The following HPCAL1 variants were observed in gnomAD, a reference collection of about 807,000 sequenced individuals.
HPCAL1 encodes hippocalcin-like protein 1.
A neutral mutation model predicts 17.1 loss-of-function variants in HPCAL1; 8 were observed. The observed-to-expected ratio is 0.47, with a 90% confidence interval of 0.27 to 0.84. HPCAL1 has a LOEUF of 0.84. Among genes scored for constraint, HPCAL1 ranks in the 40% least tolerant of loss-of-function variants. HPCAL1 has a pLI of 0.13. For missense variants in HPCAL1, 165 were observed against 271.1 expected (o/e 0.61, Z 2.75); for synonymous variants, 112 against 111.4 (o/e 1.01, Z -0.03).
In HPCAL1 at chr2:10,315,077, G is replaced by A. The variant is rs549269867; in HGVS notation, c.-111+11900G>A. 2.6e-5 allele frequency among the ~76,000 whole-genome samples: 4 copies of A among 152,244 alleles called. No individual in the cohort carries two copies. In the South Asian group the frequency reaches 6.2e-4, roughly 24 times the overall value. ...GAGGCCGAGGCGGGCGGATCATGAAGTCAGGAGATCGAGACCATCCTGGCC... is the reference window on the plus strand; with the variant it reads ...GAGGCCGAGGCGGGCGGATCATGAAATCAGGAGATCGAGACCATCCTGGCC... On this transcript the variant is annotated intron_variant, in intron 1 of 4. Transcript: ENST00000307845.
intron 2 of HPCAL1, among the ~76,000 whole-genome samples, chr2:10,408,893 A>G (rs1475145311): frequency 6.6e-6 from 1 of 152,210 alleles, no homozygotes; most frequent in African/African-American, 2.4e-5. Flanking sequence ...ACTTCTACCC[A>G]GCACTGCCCA....
chr2:10,379,275 A>G (rs1461692002), intron 1 of HPCAL1, among the ~76,000 whole-genome samples: 2 of 151,778 alleles, frequency 1.3e-5, no homozygotes, highest in African/African-American at 4.8e-5. Flanking sequence ...TTCTGCTTGT[A>G]AATGTCCCTC....
rs1241642570 is a variant in HPCAL1, at chr2:10,304,978, AG to A, written c.-111+1802del. Among the ~76,000 whole-genome samples the A allele has an allele frequency of 4.6e-5, 7 of 152,038 alleles. No homozygotes were observed. The highest frequency in any genetic ancestry group is 1.7e-4 in the African/African-American group (7 of 41,394). On this transcript the variant is annotated intron_variant, in intron 1 of 4. Transcript: ENST00000307845. The surrounding 1 kb of genome is among the most constrained non-coding windows in gnomAD (Gnocchi z 4.1). The stretch of plus-strand genomic sequence containing the variant: ...GCGGGCTGCTTTGCGGGCTTTTAGG[AG>A]CCAGGGATAGAAACCTGGTCCGGTT...
intron 1 of HPCAL1, among the ~76,000 whole-genome samples, chr2:10,385,098 A>C (rs1263921843): frequency 9.5e-5 from 3 of 31,662 alleles, no homozygotes; most frequent in Non-Finnish European, 1.5e-4. Flanking sequence ...ACTCCGTCTC[A>C]AAAAAAAAAA....
At chr2:10,305,979 C>T (rs1662597799) in intron 1 of HPCAL1, among the ~76,000 whole-genome samples, 1 of 152,232 alleles carries the variant, frequency 6.6e-6, no homozygotes, top group African/African-American at 2.4e-5. Flanking sequence ...AGCGCGGGTA[C>T]AGTGCATGCC....
At chr2:10,382,255 A>G (rs949977274) in intron 1 of HPCAL1, among the ~76,000 whole-genome samples, 1 of 152,192 alleles carries the variant, frequency 6.6e-6, no homozygotes, top group Non-Finnish European at 1.5e-5. Context: ...GATAATAAAC[A>G]GATCAGTGGT....
chr2:10,375,133 C>T (rs1423262808), intron 1 of HPCAL1, among the ~76,000 whole-genome samples: 1 of 152,198 alleles, frequency 6.6e-6, no homozygotes, highest in African/African-American at 2.4e-5. Flanking sequence ...AAAGCATTTC[C>T]ACCCACAGTC....
chr2:10,307,181 A>G (rs992653383), intron 1 of HPCAL1, among the ~76,000 whole-genome samples: 2 of 152,168 alleles, frequency 1.3e-5, no homozygotes, highest in Non-Finnish European at 2.9e-5. Context: ...AAAACTCAGG[A>G]TTGTTAAATA....
At chr2:10,306,343 G>A (rs1208057337) in intron 1 of HPCAL1, among the ~76,000 whole-genome samples, 2 of 152,028 alleles carry the variant, frequency 1.3e-5, no homozygotes, top group East Asian at 3.9e-4. Flanking sequence ...TGGGGGGTGG[G>A]GGAGGCATGT....
Position 10,395,696 on chromosome 2 carries a change from G to A in HPCAL1, c.-110-1139G>A, listed in dbSNP as rs16856193. 0.37 allele frequency among the ~76,000 whole-genome samples: 56,098 copies of A among 151,988 alleles called. 10,773 individuals are homozygous for A. The highest frequency in any genetic ancestry group is 0.5 in the South Asian group (2,405 of 4,816). On this transcript the variant is annotated intron_variant, in intron 1 of 4. Coordinates refer to ENST00000307845, the MANE Select transcript of HPCAL1 (RefSeq NM_002149.4). This position sits in a 1 kb window ranked among gnomAD's most constrained non-coding sequence, Gnocchi z 4.4. The stretch of plus-strand genomic sequence containing the variant: ...GGTAGATGCGGAAGAGAAACGGGCC[G>A]TCAGGTGAAGTGACTGTCAGGATTC...
chr2:10,325,777 C>A (rs924498552), intron 1 of HPCAL1, among the ~76,000 whole-genome samples: 3 of 152,220 alleles, frequency 2.0e-5, no homozygotes, highest in Non-Finnish European at 4.4e-5. Flanking sequence ...AGCCCGGGAG[C>A]ACCTGCTGCA....
At chr2:10,334,322 G>GT (rs113817096) in intron 1 of HPCAL1, among the ~76,000 whole-genome samples, 26,285 of 149,990 alleles carry the variant, frequency 0.18, 2,506 homozygotes, top group Non-Finnish European at 0.22. Context: ...GTTTTGTTTT[G>GT]TTTTGTTTTT....
At position 10,336,045 on chromosome 2, in the gene HPCAL1, C is replaced by G. The variant is rs368566822; in HGVS notation, c.-111+32868C>G. Among the ~76,000 whole-genome samples the G allele has an allele frequency of 6.6e-3, 922 of 140,538 alleles. 2 individuals carry two copies. The highest frequency in any genetic ancestry group is 0.012 in the African/African-American group (405 of 34,990). The allele number at this position is 140,538 out of a possible 152,430, so 92.2% of individuals were successfully genotyped here. ...ATTAATTGCATGTTCATATCCTCTG[C>G]TGTAAATTAATTGCATGTGCGTATC... On this transcript the variant is annotated intron_variant, in intron 1 of 4. Transcript: ENST00000307845.
rs1667661267 is a variant in HPCAL1, at chr2:10,377,657, T to C, written c.-110-19178T>C. Among the ~76,000 whole-genome samples, 1 of 151,396 alleles carries C rather than the reference T, an allele frequency of 6.6e-6. No individual in the cohort carries two copies. Among genetic ancestry groups the C allele is most frequent in the Non-Finnish European group, 1.5e-5 (1 of 67,846 alleles). On this transcript the variant is annotated intron_variant, in intron 1 of 4. Coordinates refer to ENST00000307845, the MANE Select transcript of HPCAL1 (RefSeq NM_002149.4). The surrounding 1 kb of genome is among the most constrained non-coding windows in gnomAD (Gnocchi z 5.9). ...CCCACCTCCCCACACTGGCACCTCC[T>C]GAGCAGCCCTGGCTGAGCATGCACT...
chr2:10,419,429 C>A lies in HPCAL1; in HGVS notation c.-24-305C>A, dbSNP rs1396881578. On this transcript the variant is annotated intron_variant, in intron 2 of 4. Transcript: ENST00000307845. This position sits in a 1 kb window ranked among gnomAD's most constrained non-coding sequence, Gnocchi z 5.0. ...ATTTTAATCTTCGCCTCTCGTACAA[C>A]CCCTGGTGGGCACCGGATGATGCCC... Among the ~76,000 whole-genome samples, 1 of 152,142 alleles carries A rather than the reference C, an allele frequency of 6.6e-6. No individual in the cohort carries two copies. Among genetic ancestry groups the A allele is most frequent in the Non-Finnish European group, 1.5e-5 (1 of 68,030 alleles).
intron 4 of HPCAL1, chr2:10,426,518 T>C: frequency 3.6e-6 from 2 of 557,924 alleles, no homozygotes; most frequent in African/African-American, 1.9e-5. Context: ...AGGTACCTGA[T>C]GTATTGCAGG....
chr2:10,307,789 T>C (rs533156735), intron 1 of HPCAL1, among the ~76,000 whole-genome samples: 2 of 152,348 alleles, frequency 1.3e-5, no homozygotes, highest in South Asian at 4.1e-4. Context: ...TTATCTGCCC[T>C]TGGCCCAGAG....
intron 1 of HPCAL1, among the ~76,000 whole-genome samples, chr2:10,383,942 C>A (rs555674576): frequency 6.6e-6 from 1 of 152,012 alleles, no homozygotes; most frequent in South Asian, 2.1e-4. Context: ...CCAAATGTAC[C>A]CGGGAAAATC....
chr2:10,407,170 C>T (rs1024621955), intron 2 of HPCAL1, among the ~76,000 whole-genome samples: 2 of 152,170 alleles, frequency 1.3e-5, no homozygotes, highest in Admixed American at 1.3e-4. Flanking sequence ...GATAAATGGA[C>T]ACCCCCAAGT....
Sources: gnomAD v4.1 joint callset for allele counts (sites outside exome capture counted in the v4.1 genomes callset) on GRCh38, gnomAD v4.1.1 for gene constraint, Gnocchi (gnomAD v3.1) non-coding constraint, MANE v1.5 for transcripts, NCBI Gene and HGNC (gene_info 2026-07-23, HGNC 2026-07-21) for gene names.